ZFHX3: variants seen among roughly 807,000 people sequenced by gnomAD.
ZFHX3 encodes zinc finger homeobox protein 3.
ZFHX3 carries 42 observed loss-of-function variants against 279.1 expected under a neutral mutation model. The observed-to-expected ratio is 0.15, with a 90% CI of 0.12 to 0.19. The LOEUF is 0.19. Ranked by LOEUF, ZFHX3 falls within the 10% of genes least tolerant of loss-of-function variation. The pLI is 1.00. For missense variants in ZFHX3, 4,981 were observed against 4,754.0 expected (o/e 1.05, Z -1.40); for synonymous variants, 2,293 against 1,957.8 (o/e 1.17, Z -4.52).
At chr16:73,329,668 A>G (rs2015762774) in intron 3 of ZFHX3, among the ~76,000 whole-genome samples, 1 of 152,238 alleles carries the variant, frequency 6.6e-6, no homozygotes. Context: ...AGAGATAAAA[A>G]TTAATGACTT....
At chr16:73,085,126 T>C (rs1016256032) in intron 8 of ZFHX3, among the ~76,000 whole-genome samples, 1 of 152,184 alleles carries the variant, frequency 6.6e-6, no homozygotes, top group African/African-American at 2.4e-5. Context: ...CTGCACTACC[T>C]GACTTCAAAA....
At chr16:73,780,574 C>G (rs1333720147) in intron 1 of ZFHX3, among the ~76,000 whole-genome samples, 1 of 150,496 alleles carries the variant, frequency 6.6e-6, no homozygotes, top group African/African-American at 2.4e-5. Context: ...TCCCAAGGAG[C>G]TGGATTACAG....
intron 5 of ZFHX3, among the ~76,000 whole-genome samples, chr16:73,207,787 A>T (rs113064374): frequency 2.8e-4 from 43 of 152,310 alleles, no homozygotes; most frequent in Admixed American, 9.2e-4. Context: ...AATAAGTAAC[A>T]ATAAGTAAGA....
intron 2 of ZFHX3, among the ~76,000 whole-genome samples, chr16:73,555,080 A>T (rs2020256036): frequency 6.6e-6 from 1 of 152,122 alleles, no homozygotes. Context: ...CTTTGGGAGA[A>T]TTTATGAAGG....
At chr16:72,992,445 T>G (rs752174387) in intron 1 of ZFHX3, among the ~76,000 whole-genome samples, 2 of 152,312 alleles carry the variant, frequency 1.3e-5, no homozygotes, top group Admixed American at 6.5e-5. Flanking sequence ...AAGCTCTCCC[T>G]GTAAACGGAT....
chr16:72,792,257 A>G (rs1204038143), intron 9 of ZFHX3, among the ~76,000 whole-genome samples: 1 of 152,178 alleles, frequency 6.6e-6, no homozygotes, highest in African/African-American at 2.4e-5. Flanking sequence ...GGAAAAGGAA[A>G]TGGGCAAAAG....
At chr16:73,427,702 G>A (rs995468395) in intron 3 of ZFHX3, among the ~76,000 whole-genome samples, 2 of 152,038 alleles carry the variant, frequency 1.3e-5, no homozygotes, top group South Asian at 2.1e-4. Flanking sequence ...TTGGGAGGCC[G>A]CCGTGGGCAG....
At chr16:73,303,884 A>G (rs1346406747) in intron 4 of ZFHX3, among the ~76,000 whole-genome samples, 1 of 151,062 alleles carries the variant, frequency 6.6e-6, no homozygotes, top group Non-Finnish European at 1.5e-5. Context: ...CAGGATTAAG[A>G]AACTGATTTG....
intron 5 of ZFHX3, among the ~76,000 whole-genome samples, chr16:73,157,716 G>A (rs1028044561): frequency 6.6e-6 from 1 of 152,110 alleles, no homozygotes; most frequent in Non-Finnish European, 1.5e-5. Context: ...ACTGTGTAAT[G>A]TTGTTGGCCA....
intron 1 of ZFHX3, among the ~76,000 whole-genome samples, chr16:73,712,561 G>A (rs2053373815): frequency 6.6e-6 from 1 of 152,202 alleles, no homozygotes; most frequent in Non-Finnish European, 1.5e-5. Flanking sequence ...GCCTCTCAGT[G>A]CCCATTTGGC....
intron 1 of ZFHX3, among the ~76,000 whole-genome samples, chr16:73,715,035 G>C (rs867732515): frequency 1.1e-4 from 17 of 152,132 alleles, no homozygotes; most frequent in Admixed American, 7.2e-4. Context: ...CTACCCCCAT[G>C]AAGTTGCAGC....
intron 2 of ZFHX3, among the ~76,000 whole-genome samples, chr16:73,569,371 G>T (rs573721303): frequency 6.7e-6 from 1 of 149,388 alleles, no homozygotes; most frequent in Admixed American, 6.7e-5. Context: ...ATCCTATTAA[G>T]ATCATGGCTG....
intron 1 of ZFHX3, among the ~76,000 whole-genome samples, chr16:73,832,586 G>A (rs554862149): frequency 4.0e-4 from 61 of 152,024 alleles, no homozygotes; most frequent in Non-Finnish European, 6.5e-4. Context: ...TGTTGCCCAG[G>A]CTGGAGTCTA....
chr16:72,995,557 A>C (rs1442070209), intron 1 of ZFHX3, among the ~76,000 whole-genome samples: 1 of 152,198 alleles, frequency 6.6e-6, no homozygotes, highest in African/African-American at 2.4e-5. Flanking sequence ...GCTCTCCCCA[A>C]GACCAGGCCC....
chr16:73,667,418 C>G (rs1016718465), intron 2 of ZFHX3, among the ~76,000 whole-genome samples: 6 of 152,178 alleles, frequency 3.9e-5, no homozygotes, highest in African/African-American at 1.4e-4. Context: ...TTTTATTTCT[C>G]TTGGGAAAAT....
intron 1 of ZFHX3, among the ~76,000 whole-genome samples, chr16:73,752,695 C>G (rs1006137712): frequency 6.6e-6 from 1 of 152,124 alleles, no homozygotes; most frequent in Non-Finnish European, 1.5e-5. Flanking sequence ...AAGAATCAGC[C>G]CTAACAAAAC....
intron 4 of ZFHX3, among the ~76,000 whole-genome samples, chr16:73,291,164 T>C (rs1041526774): frequency 6.6e-6 from 1 of 152,178 alleles, no homozygotes; most frequent in African/African-American, 2.4e-5. Context: ...TATCCCATTC[T>C]CCTTCCAACG....
chr16:73,046,983 C>G (rs1036061705), intron 1 of ZFHX3, among the ~76,000 whole-genome samples: 1 of 152,214 alleles, frequency 6.6e-6, no homozygotes, highest in African/African-American at 2.4e-5. Flanking sequence ...CACTGTGCCA[C>G]GCAATTCCCT....
intron 5 of ZFHX3, among the ~76,000 whole-genome samples, chr16:73,241,803 A>AAAAAAAAAAAAAAAAAAAAAAAAC (rs2013132105): frequency 6.6e-6 from 1 of 150,956 alleles, no homozygotes; most frequent in South Asian, 2.1e-4. Flanking sequence ...AAAAAAAAAA[A>AAAAAAAAAAAAAAAAAAAAAAAAC]AAAAAAAAAA....
Sources: allele counts gnomAD v4.1 joint callset (sites outside exome capture counted in the v4.1 genomes callset), GRCh38; gene constraint gnomAD v4.1.1; transcripts MANE v1.5; gene names NCBI Gene and HGNC (gene_info 2026-07-23, HGNC 2026-07-21).